DENND2A: variants seen among roughly 807,000 people sequenced by gnomAD.
DENND2A encodes DENN domain containing 2A, also known as DENN domain-containing protein 2A.
In DENND2A, 53 loss-of-function variants were observed where a neutral mutation model predicts 105.3. The observed-to-expected ratio is 0.50, with a 90% CI of 0.40 to 0.63. DENND2A has a LOEUF of 0.63. Among genes scored for constraint, DENND2A ranks in the 30% least tolerant of loss-of-function variants. The pLI is 0.00. For missense variants in DENND2A, 1,138 were observed against 1,279.6 expected (o/e 0.89, Z 1.69); for synonymous variants, 522 against 508.4 (o/e 1.03, Z -0.36).
At chr7:140,618,929 G>A (rs746665273) in intron 1 of DENND2A, among the ~76,000 whole-genome samples, 1 of 152,076 alleles carries the variant, frequency 6.6e-6, no homozygotes, top group Non-Finnish European at 1.5e-5. Context: ...CTCCAGAGTA[G>A]CTGGGACTAT....
chr7:140,594,531 C>T (rs1799205133), intron 3 of DENND2A, among the ~76,000 whole-genome samples: 1 of 152,172 alleles, frequency 6.6e-6, no homozygotes, highest in Non-Finnish European at 1.5e-5. Context: ...CTGAATGTTC[C>T]CATGGCACCA....
At chr7:140,570,339 G>A (rs1798041381) in intron 6 of DENND2A, among the ~76,000 whole-genome samples, 1 of 152,194 alleles carries the variant, frequency 6.6e-6, no homozygotes, top group Admixed American at 6.5e-5. Context: ...TGCTCATGAT[G>A]CGATGGCTGC....
chr7:140,539,687 C>T (rs909535398), intron 14 of DENND2A, among the ~76,000 whole-genome samples: 15 of 152,230 alleles, frequency 9.9e-5, no homozygotes, highest in African/African-American at 3.4e-4. Context: ...CATGAAATGA[C>T]GCAGGTCAGA....
At chr7:140,623,415 T>C (rs991732973) in intron 1 of DENND2A, among the ~76,000 whole-genome samples, 1 of 148,642 alleles carries the variant, frequency 6.7e-6, no homozygotes, top group Non-Finnish European at 1.5e-5. Context: ...TCAGGAGACC[T>C]AACCTTTCTG....
At chr7:140,567,562 C>G (rs1486841583) in intron 8 of DENND2A, among the ~76,000 whole-genome samples, 1 of 152,190 alleles carries the variant, frequency 6.6e-6, no homozygotes, top group Admixed American at 6.5e-5. Context: ...GTGCAGGAGC[C>G]TGGCTCTGCT....
intron 13 of DENND2A, among the ~76,000 whole-genome samples, chr7:140,545,569 T>C (rs1796861432): frequency 6.6e-6 from 1 of 152,182 alleles, no homozygotes; most frequent in Non-Finnish European, 1.5e-5. Context: ...CAGGCTGGTC[T>C]CGAACTCCTG....
intron 1 of DENND2A, among the ~76,000 whole-genome samples, chr7:140,607,944 C>T (rs1215751189): frequency 6.6e-6 from 1 of 152,156 alleles, no homozygotes; most frequent in Non-Finnish European, 1.5e-5. Flanking sequence ...CTGCCGTCAT[C>T]GAGAGCACCA....
chr7:140,533,744 GTTTGT>G (rs2130488907), intron 14 of DENND2A, among the ~76,000 whole-genome samples: 1 of 152,316 alleles, frequency 6.6e-6, no homozygotes, highest in East Asian at 1.9e-4. Context: ...CCTGTGGTAA[GTTTGT>G]TTTGAGTAGT....
chr7:140,599,212 C>T (rs941360318), intron 3 of DENND2A, among the ~76,000 whole-genome samples: 5 of 151,992 alleles, frequency 3.3e-5, no homozygotes, highest in African/African-American at 1.2e-4. Context: ...GTGGCGTGCG[C>T]CTGTAATCTC....
chr7:140,604,982 T>C (rs961159838), intron 2 of DENND2A, among the ~76,000 whole-genome samples: 18 of 152,220 alleles, frequency 1.2e-4, no homozygotes, highest in Admixed American at 3.9e-4. Flanking sequence ...ATCATAGTTA[T>C]TGTCTAAGAG....
At chr7:140,528,406 T>C (rs1201591187) in intron 14 of DENND2A, among the ~76,000 whole-genome samples, 1 of 152,108 alleles carries the variant, frequency 6.6e-6, no homozygotes, top group African/African-American at 2.4e-5. Context: ...CAGCTCCAAA[T>C]GGGTTCCAAG....
chr7:140,611,525 G>A (rs1435288116), intron 1 of DENND2A, among the ~76,000 whole-genome samples: 3 of 152,108 alleles, frequency 2.0e-5, no homozygotes, highest in Admixed American at 2.0e-4. Context: ...ACAACAGAGC[G>A]AGACCCTGTC....
chr7:140,593,897 A>G lies in DENND2A; in HGVS notation c.996-6117T>C, dbSNP rs1185746041. On this transcript the variant is annotated intron_variant, in intron 3 of 19. Transcript: ENST00000496613. ...ACAGGATGGTCTCTTAAACAAGCAA[A>G]TCTTTTTTTTTTTTTTCTTTTTTCT... Among the ~76,000 whole-genome samples the G allele has an allele frequency of 3.3e-5, 5 of 150,064 alleles. No individual in the cohort carries two copies. In the East Asian group the frequency reaches 9.7e-4, roughly 29 times the overall value.
At chr7:140,603,969 G>T (rs28413042) in intron 2 of DENND2A, among the ~76,000 whole-genome samples, 1 of 152,184 alleles carries the variant, frequency 6.6e-6, no homozygotes, top group Admixed American at 6.6e-5. Context: ...GAAGATATTA[G>T]AAATTATTTT....
chr7:140,568,596 C>T (rs114564169), intron 8 of DENND2A, among the ~76,000 whole-genome samples, 167 bp downstream of exon 8: 355 of 152,284 alleles, frequency 2.3e-3, no homozygotes, highest in African/African-American at 7.9e-3. Context: ...ATGCCCATGA[C>T]GGACCGGCTC....
intron 5 of DENND2A, among the ~76,000 whole-genome samples, chr7:140,583,891 A>T (rs1798657559): frequency 7.0e-6 from 1 of 142,236 alleles, no homozygotes; most frequent in Non-Finnish European, 1.5e-5. Flanking sequence ...GTGCCACTGC[A>T]CTCCAGCCTG....
At chr7:140,584,837 T>A (rs1034877852) in intron 5 of DENND2A, among the ~76,000 whole-genome samples, 6 of 152,210 alleles carry the variant, frequency 3.9e-5, no homozygotes, top group East Asian at 3.8e-4. Flanking sequence ...TATATATGCA[T>A]GTTATTTCAT....
chr7:140,522,399 T>C (rs543856217), intron 17 of DENND2A, among the ~76,000 whole-genome samples: 1 of 152,228 alleles, frequency 6.6e-6, no homozygotes, highest in East Asian at 1.9e-4. Flanking sequence ...CTGCAACCTC[T>C]GCCTCCTGGA....
intron 1 of DENND2A, among the ~76,000 whole-genome samples, chr7:140,615,239 C>T (rs1412380974): frequency 6.6e-6 from 1 of 152,082 alleles, no homozygotes; most frequent in Non-Finnish European, 1.5e-5. Context: ...TTATCTGATT[C>T]GTTATATTTT....
Sources: gnomAD v4.1 joint callset for allele counts (sites outside exome capture counted in the v4.1 genomes callset) on GRCh38, gnomAD v4.1.1 for gene constraint, MANE v1.5 for transcripts, NCBI Gene and HGNC (gene_info 2026-07-23, HGNC 2026-07-21) for gene names.